The following DTNA variants were observed in gnomAD, a reference collection of about 807,000 sequenced individuals.
DTNA encodes the protein dystrophin-related protein 3.
In DTNA, 43 loss-of-function variants were observed where a neutral mutation model predicts 100.7. That is an observed-to-expected ratio of 0.43 (90% confidence interval 0.33 to 0.55). The LOEUF (loss-of-function observed/expected upper bound fraction) is 0.55, where lower values mean the gene tolerates loss of function less well. DTNA is among the 20% of genes least tolerant of loss of function. DTNA has a pLI of 0.04. For synonymous variants in DTNA, 349 were observed against 347.9 expected (o/e 1.00, Z -0.04); for missense variants, 798 against 953.9 (o/e 0.84, Z 2.15).
At chr18:34,623,639 C>G (rs932486627) in intron 1 of DTNA, among the ~76,000 whole-genome samples, 1 of 152,130 alleles carries the variant, frequency 6.6e-6, no homozygotes, top group African/African-American at 2.4e-5. Flanking sequence ...CACTCATTCA[C>G]TCATCCATTC....
At chr18:34,546,949 C>T (rs192167238) in intron 1 of DTNA, among the ~76,000 whole-genome samples, 16 of 151,894 alleles carry the variant, frequency 1.1e-4, no homozygotes, top group Admixed American at 9.8e-4. Flanking sequence ...AACCTCAATC[C>T]ACCCACCTCG....
intron 1 of DTNA, among the ~76,000 whole-genome samples, chr18:34,714,664 A>G (rs2146654506): frequency 6.6e-6 from 1 of 151,952 alleles, no homozygotes; most frequent in East Asian, 1.9e-4. Flanking sequence ...ACCATTGTGG[A>G]AGTCAGTGTG....
chr18:34,663,745 C>T (rs60798178), intron 1 of DTNA, among the ~76,000 whole-genome samples: 2,213 of 152,184 alleles, frequency 0.015, 42 homozygotes, highest in African/African-American at 0.047. Context: ...TTCAAACTTT[C>T]AAGTAGAAAT....
Position 34,741,969 on chromosome 18 carries a change from C to T in DTNA, c.-1-14007C>T, listed in dbSNP as rs1003009480. Among the ~76,000 whole-genome samples, 3 of 152,120 alleles carry T rather than the reference C, an allele frequency of 2.0e-5. No individual in the cohort carries two copies. In the East Asian group the frequency reaches 5.8e-4, roughly 29 times the overall value. On this transcript the variant is annotated intron_variant, in intron 1 of 22. Transcript: ENST00000444659. ...TCACTTCTCTAAGCCTGAGTTTCCT[C>T]ATCTACAAAATGAGGATAATAACAC...
chr18:34,510,585 G>T (rs991930748), intron 1 of DTNA, among the ~76,000 whole-genome samples: 1 of 149,376 alleles, frequency 6.7e-6, no homozygotes, highest in Non-Finnish European at 1.5e-5. Flanking sequence ...CCTTTTATGA[G>T]CCCCTGTGGC....
chr18:34,828,998 G>A, intron 10 of DTNA: 3 of 1,611,746 alleles, frequency 1.9e-6, no homozygotes, highest in Non-Finnish European at 2.5e-6. Context: ...ATCAAGCAGA[G>A]GTAGACCCCA....
chr18:34,641,805 G>A (rs1378475579), intron 1 of DTNA, among the ~76,000 whole-genome samples: 1 of 152,182 alleles, frequency 6.6e-6, no homozygotes, highest in Non-Finnish European at 1.5e-5. Context: ...GAGTTGAGTG[G>A]TGGAGAGAGA....
At chr18:34,739,485 G>A (rs2090229564) in intron 1 of DTNA, among the ~76,000 whole-genome samples, 1 of 152,158 alleles carries the variant, frequency 6.6e-6, no homozygotes, top group Non-Finnish European at 1.5e-5. Context: ...AACATTTCCA[G>A]ACAGATGTGC....
chr18:34,884,685 T>C (rs748570658), intron 21 of DTNA, 43 bp from the exon 22 acceptor site: 1 of 1,611,648 alleles, frequency 6.2e-7, no homozygotes, highest in Non-Finnish European at 8.5e-7. Context: ...CATCACAGAC[T>C]TGACGTGTCA....
chr18:34,516,409 A>C (rs2041622633), intron 1 of DTNA, among the ~76,000 whole-genome samples: 1 of 152,112 alleles, frequency 6.6e-6, no homozygotes, highest in Non-Finnish European at 1.5e-5. Context: ...CCCACTGGGC[A>C]CGCGTTATCA....
At chr18:34,801,276 T>A (rs1336502898) in intron 4 of DTNA, among the ~76,000 whole-genome samples, 2 of 152,182 alleles carry the variant, frequency 1.3e-5, no homozygotes, top group Admixed American at 1.3e-4. Context: ...ATGTTAATTA[T>A]ATACCAATAC....
At chr18:34,598,913 T>C (rs1248646760) in intron 1 of DTNA, among the ~76,000 whole-genome samples, 3 of 152,186 alleles carry the variant, frequency 2.0e-5, no homozygotes, top group Non-Finnish European at 4.4e-5. Context: ...ATCATCTTTC[T>C]AAAAGCCTAT....
intron 20 of DTNA, 44 bp from the exon 21 acceptor site, chr18:34,882,025 C>A (rs762077050): frequency 6.2e-7 from 1 of 1,613,798 alleles, no homozygotes; most frequent in Non-Finnish European, 8.5e-7. Flanking sequence ...TTGTAATTCT[C>A]TTTTAAGATT....
intron 9 of DTNA, among the ~76,000 whole-genome samples, chr18:34,826,387 A>C (rs2095858962): frequency 6.6e-6 from 1 of 152,124 alleles, no homozygotes; most frequent in Non-Finnish European, 1.5e-5. Context: ...CCAGAGACTT[A>C]TTCTAAGTCT....
intron 1 of DTNA, among the ~76,000 whole-genome samples, chr18:34,696,322 TA>T (rs1245894063): frequency 6.6e-6 from 1 of 152,172 alleles, no homozygotes; most frequent in Non-Finnish European, 1.5e-5. Context: ...CTCATGCCTG[TA>T]ATCCCAGCAC....
chr18:34,496,050 C>T (rs941570384), intron 1 of DTNA, among the ~76,000 whole-genome samples: 1 of 152,138 alleles, frequency 6.6e-6, no homozygotes, highest in African/African-American at 2.4e-5. Context: ...TCATCTTTCA[C>T]TTTAATTAAA....
At chr18:34,877,339 C>G (rs1267704403) in intron 18 of DTNA, among the ~76,000 whole-genome samples, 6 of 152,306 alleles carry the variant, frequency 3.9e-5, no homozygotes, top group Non-Finnish European at 1.5e-5. Context: ...CCTGGAAAAC[C>G]TGATTTTTCA....
intron 1 of DTNA, among the ~76,000 whole-genome samples, chr18:34,494,606 T>C (rs949491770): frequency 1.9e-4 from 29 of 152,022 alleles, no homozygotes; most frequent in Non-Finnish European, 4.0e-4. Flanking sequence ...CTTTGCTGTT[T>C]AGTAGGCTTG....
chr18:34,695,476 T>TAACCA (rs1215395439), intron 1 of DTNA, among the ~76,000 whole-genome samples: 4 of 152,268 alleles, frequency 2.6e-5, no homozygotes, highest in African/African-American at 9.6e-5. Flanking sequence ...TAATAAGCTG[T>TAACCA]GGTTGCCTGG....
Sources: gnomAD v4.1 joint callset for allele counts (sites outside exome capture counted in the v4.1 genomes callset) on GRCh38, gnomAD v4.1.1 for gene constraint, MANE v1.5 for transcripts, NCBI Gene and HGNC (gene_info 2026-07-23, HGNC 2026-07-21) for gene names.